Variants in DLEC1 observed in about 807,000 individuals in gnomAD.
DLEC1 encodes DLEC1 cilia and flagella associated protein.
A neutral mutation model predicts 198.1 loss-of-function variants in DLEC1; 146 were observed. The ratio of observed to expected loss-of-function variants is 0.74; its 90% CI spans 0.64 to 0.85. DLEC1 has a LOEUF of 0.85. Among genes scored for constraint, DLEC1 ranks in the 40% least tolerant of loss-of-function variants. DLEC1 has a pLI of 0.00. For synonymous variants in DLEC1, 897 were observed against 866.8 expected (o/e 1.03, Z -0.61); for missense variants, 2,233 against 2,220.0 (o/e 1.01, Z -0.12).
At chr3:38,120,008 T>C (rs1188257525) in intron 33 of DLEC1, among the ~76,000 whole-genome samples, 1 of 152,212 alleles carries the variant, frequency 6.6e-6, no homozygotes, top group African/African-American at 2.4e-5. Context: ...AGCTTCATCC[T>C]GTCCAGCCTC....
At chr3:38,044,549 G>A (rs1006723924) in intron 1 of DLEC1, among the ~76,000 whole-genome samples, 10 of 151,742 alleles carry the variant, frequency 6.6e-5, no homozygotes, top group African/African-American at 2.2e-4. Context: ...GGCAACAAGA[G>A]CAAAACTCTG....
chr3:38,117,274 G>T lies in DLEC1; in HGVS notation c.4372G>T (p.Asp1458Tyr). The change falls in exon 31 of 37, where the codon GAC becomes TAC. Residue 1458 changes from aspartate (D) to tyrosine (Y), a missense_variant. Asp to Tyr is a radical substitution (Grantham distance 160). Coordinates refer to ENST00000308059, the MANE Select transcript of DLEC1 (RefSeq NM_007335.4). ...QDFAVGPLKLDLHSYVRPAQL... is the reference protein window; with the variant it reads ...QDFAVGPLKLYLHSYVRPAQL... ...CTTTGCGGTGGGACCCCTGAAACTG[G>T]ACCTGCATAGCTACGTGAGGCCTGC... 2.5e-6 allele frequency: 4 copies of T among 1,614,146 alleles called. No individual in the cohort carries two copies. Among genetic ancestry groups the T allele is most frequent in the Non-Finnish European group, 3.4e-6 (4 of 1,179,998 alleles).
chr3:38,097,152 A>T, intron 15 of DLEC1, 30 bp from the exon 16 acceptor site: 1 of 1,547,612 alleles, frequency 6.5e-7, no homozygotes, highest in Non-Finnish European at 8.8e-7. Flanking sequence ...GGGGCAGTAA[A>T]TGGGCAGCCT....
chr3:38,067,964 T>G (rs1327318846), intron 6 of DLEC1, among the ~76,000 whole-genome samples: 5 of 152,004 alleles, frequency 3.3e-5, no homozygotes, highest in African/African-American at 1.2e-4. Context: ...ATGTTGGCCA[T>G]GCTGGTCTCG....
At chr3:38,104,637 C>T (rs1026702202) in intron 19 of DLEC1, among the ~76,000 whole-genome samples, 1 of 152,186 alleles carries the variant, frequency 6.6e-6, no homozygotes, top group African/African-American at 2.4e-5. Flanking sequence ...GATGTCCCCA[C>T]TTTCATTCCT....
At position 38,122,744 on chromosome 3, in the gene DLEC1, G is replaced by A. The variant is rs2125759637; in HGVS notation, c.*332G>A. 1 of 1,289,446 alleles carries A rather than the reference G, an allele frequency of 7.8e-7. No homozygotes were observed. Among genetic ancestry groups the A allele is most frequent in the South Asian group, 1.6e-5 (1 of 63,230 alleles). 79.9% of individuals were successfully genotyped at this position (1,289,446 alleles called of 1,614,324 possible). A position where few individuals can be genotyped will look rare whatever the true frequency, so the allele number is the denominator to read the frequency against. ...TTCATGCACTTTTACTATGCCCATTGCACTTCTCATCCATGGATTTGCCTT... is the reference window on the plus strand; with the variant it reads ...TTCATGCACTTTTACTATGCCCATTACACTTCTCATCCATGGATTTGCCTT... On this transcript the variant is annotated 3_prime_UTR_variant, in exon 37 of 37. Transcript: ENST00000308059.
intron 6 of DLEC1, among the ~76,000 whole-genome samples, chr3:38,070,303 A>T (rs1697246568): frequency 6.6e-6 from 1 of 152,204 alleles, no homozygotes; most frequent in Non-Finnish European, 1.5e-5. Flanking sequence ...GAAGACAGTA[A>T]GTAAGAGGTG....
At chr3:38,121,474 G>C (rs1413516645) in intron 34 of DLEC1, among the ~76,000 whole-genome samples, 154 bp from the exon 35 acceptor site, 1 of 152,212 alleles carries the variant, frequency 6.6e-6, no homozygotes, top group Non-Finnish European at 1.5e-5. Context: ...GCAGCCTGTG[G>C]CCTTTTAAGG....
Position 38,086,034 on chromosome 3 carries a change from G to A in DLEC1, c.1436-207G>A, listed in dbSNP as rs9875897. ...AGCCAGGAGTGAATAGAGTCCCATG[G>A]CACTATTGCCATGTGGCCAGCAGCA... is the stretch of plus-strand genomic sequence containing the variant. On this transcript the variant is annotated intron_variant, in intron 8 of 36. Transcript: ENST00000308059. Among the ~76,000 whole-genome samples, 1,149 of 152,330 alleles carry A rather than the reference G, an allele frequency of 7.5e-3. 15 individuals carry two copies. The highest frequency in any genetic ancestry group is 0.026 in the African/African-American group (1,061 of 41,578).
intron 24 of DLEC1, 124 bp downstream of exon 24, chr3:38,111,871 A>G: frequency 9.1e-7 from 1 of 1,098,724 alleles, no homozygotes; most frequent in Non-Finnish European, 1.3e-6. Context: ...CAGATGGCCA[A>G]GGCGCTCCAC....
chr3:38,090,102 A>G (rs993809146), intron 10 of DLEC1, among the ~76,000 whole-genome samples: 1 of 152,194 alleles, frequency 6.6e-6, no homozygotes, highest in Non-Finnish European at 1.5e-5. Context: ...AGGTCAAGAT[A>G]GGAGGATCAC....
chr3:38,039,673 C>G, intron 1 of DLEC1, 37 bp downstream of exon 1: 3 of 1,557,244 alleles, frequency 1.9e-6, no homozygotes, highest in Non-Finnish European at 1.7e-6. Flanking sequence ...CGGACGGTGC[C>G]GGGGTCTCAG....
intron 19 of DLEC1, among the ~76,000 whole-genome samples, chr3:38,106,607 C>A (rs1014911563): frequency 6.6e-6 from 1 of 151,878 alleles, no homozygotes; most frequent in African/African-American, 2.4e-5. Flanking sequence ...AATACAAAAA[C>A]TTGCCTGGCA....
At chr3:38,090,908 A>G (rs1575183319) in intron 10 of DLEC1, among the ~76,000 whole-genome samples, 2 of 152,182 alleles carry the variant, frequency 1.3e-5, no homozygotes, top group East Asian at 3.8e-4. Flanking sequence ...CAATCTTATT[A>G]CATCTATACC....
chr3:38,077,046 G>C (rs1265383639), intron 6 of DLEC1, among the ~76,000 whole-genome samples: 1 of 152,182 alleles, frequency 6.6e-6, no homozygotes, highest in Non-Finnish European at 1.5e-5. Context: ...GAGAAAAACA[G>C]ATATAAAAGG....
At chr3:38,091,519 G>A (rs1368001076) in intron 10 of DLEC1, among the ~76,000 whole-genome samples, 1 of 151,904 alleles carries the variant, frequency 6.6e-6, no homozygotes, top group African/African-American at 2.4e-5. Flanking sequence ...TAGACAAATG[G>A]GATTACCTCA....
intron 2 of DLEC1, among the ~76,000 whole-genome samples, chr3:38,058,657 A>G (rs1442988755): frequency 6.6e-6 from 1 of 152,196 alleles, no homozygotes; most frequent in East Asian, 1.9e-4. Context: ...CCACCTGTAC[A>G]TTATAAATTT....
At chr3:38,107,388 G>C (rs1465676895) in intron 19 of DLEC1, among the ~76,000 whole-genome samples, 196 bp from the exon 20 acceptor site, 5 of 152,128 alleles carry the variant, frequency 3.3e-5, no homozygotes, top group African/African-American at 9.7e-5. Flanking sequence ...TTTGTTGTTA[G>C]TATATAAAAA....
chr3:38,093,516 T>G (rs375074845), intron 11 of DLEC1, 89 bp from the exon 12 acceptor site: 2 of 1,494,314 alleles, frequency 1.3e-6, no homozygotes, highest in East Asian at 4.5e-5. Context: ...GCCAGCTGCA[T>G]GTGGATGGCG....
Sources: gnomAD v4.1 joint callset for allele counts (sites outside exome capture counted in the v4.1 genomes callset) on GRCh38, gnomAD v4.1.1 for gene constraint, MANE v1.5 for transcripts, NCBI Gene and HGNC (gene_info 2026-07-23, HGNC 2026-07-21) for gene names.